GET1: variants seen among roughly 807,000 people sequenced by gnomAD.
GET1 encodes the protein congenital heart disease 5 protein.
A neutral mutation model predicts 22.6 loss-of-function variants in GET1; 20 were observed. The ratio of observed to expected loss-of-function variants is 0.89; its 90% CI spans 0.62 to 1.29. The LOEUF (loss-of-function observed/expected upper bound fraction) is 1.29, where lower values mean the gene tolerates loss of function less well. Among genes scored for constraint, GET1 ranks in the 50% most tolerant of loss-of-function variants. The probability of loss-of-function intolerance (pLI) is 0.00; values close to 1 mark genes in which losing one functional copy is unlikely to be tolerated. For missense variants in GET1, 209 were observed against 219.9 expected (o/e 0.95, Z 0.31); for synonymous variants, 92 against 83.8 (o/e 1.10, Z -0.53).
chr21:39,412,240 T>C (rs1419110371), intron 1 of GET1, among the ~76,000 whole-genome samples: 2 of 152,202 alleles, frequency 1.3e-5, no homozygotes, highest in East Asian at 3.8e-4. Flanking sequence ...ACTACAGTAT[T>C]GGATGGCACA....
chr21:39,411,884 G>A, intron 1 of GET1: 3 of 730,596 alleles, frequency 4.1e-6, no homozygotes, highest in South Asian at 3.6e-5. Context: ...ATTTAAATGA[G>A]CTCAGTATCC....
downstream of GET1, among the ~76,000 whole-genome samples, chr21:39,399,325 G>T (rs2038781115): frequency 6.6e-6 from 1 of 152,134 alleles, no homozygotes. Flanking sequence ...CAGAAAAGCA[G>T]CAAGGAAGAA....
chr21:39,393,098 G>T, intron 3 of GET1, 68 bp from the exon 4 acceptor site: 1 of 1,353,968 alleles, frequency 7.4e-7, no homozygotes, highest in Non-Finnish European at 1.1e-6. Context: ...GCATTTCCCT[G>T]TCCTCCCTTC....
At chr21:39,406,763 C>G (rs2039128972), downstream of GET1, 1 of 600,480 alleles carries the variant, frequency 1.7e-6, no homozygotes, top group Non-Finnish European at 2.8e-6. Flanking sequence ...CAAAAGATTA[C>G]AGAGAAAGGT....
Position 39,418,249 on chromosome 21 carries a change from C to G in GET1, c.*23+7312C>G, listed in dbSNP as rs989987941. On this transcript the variant is annotated intron_variant, in intron 1 of 1. Transcript: ENST00000478273. ...GGGTGGGGACACAGCCAAACCATAT[C>G]AAGGATATTACAGTTTCGTTTGCCT... is the stretch of plus-strand genomic sequence containing the variant. Among the ~76,000 whole-genome samples, 5 of 152,150 alleles carry G rather than the reference C, an allele frequency of 3.3e-5. No homozygotes were observed. The South Asian group carries it at 1.0e-3, about 31-fold the overall frequency.
At chr21:39,380,862 G>A in intron 1 of GET1, 1 of 988,688 alleles carries the variant, frequency 1.0e-6, no homozygotes, top group Non-Finnish European at 1.2e-6. Flanking sequence ...GGCGGGCGAA[G>A]TCAGCTGTTC....
intron 1 of GET1, chr21:39,423,420 CAT>C: frequency 6.2e-7 from 1 of 1,601,134 alleles, no homozygotes; most frequent in Non-Finnish European, 8.5e-7. Flanking sequence ...TTTGGGCAAT[CAT>C]ATGGATTTGA....
intron 1 of GET1, chr21:39,387,773 A>G: frequency 4.1e-6 from 4 of 985,022 alleles, no homozygotes; most frequent in Non-Finnish European, 4.8e-6. Flanking sequence ...GCATGCGCAG[A>G]CACCCTCAGG....
chr21:39,397,216 C>G lies in GET1; in HGVS notation c.*277C>G, dbSNP rs1377553258. The G allele has an allele frequency of 2.8e-6, 1 of 359,062 alleles. No homozygotes were observed. The highest frequency in any genetic ancestry group is 5.0e-6 in the Non-Finnish European group (1 of 198,968). 22.2% of individuals were successfully genotyped at this position (359,062 alleles called of 1,614,324 possible). A position where few individuals can be genotyped will look rare whatever the true frequency, so the allele number is the denominator to read the frequency against. ...AAATGTGAAATGTTTAGGGACATCT[C>G]CATGCTGTCACTTGTGATTTGCCCT... On this transcript the variant is annotated 3_prime_UTR_variant, in exon 5 of 5. Transcript: ENST00000649170.
intron 1 of GET1, among the ~76,000 whole-genome samples, chr21:39,388,109 T>A (rs535162935): frequency 1.9e-4 from 29 of 152,164 alleles, no homozygotes; most frequent in Non-Finnish European, 4.0e-4. Flanking sequence ...GCACAGTGGC[T>A]CACGCCTTTA....
chr21:39,393,644 A>G (rs940504147), intron 4 of GET1, among the ~76,000 whole-genome samples: 3 of 151,888 alleles, frequency 2.0e-5, no homozygotes, highest in Admixed American at 6.6e-5. Flanking sequence ...GCTCCTGGCT[A>G]TTCTTTTATT....
intron 1 of GET1, among the ~76,000 whole-genome samples, chr21:39,412,619 C>T (rs914325140): frequency 2.1e-4 from 32 of 151,766 alleles, no homozygotes; most frequent in African/African-American, 7.0e-4. Flanking sequence ...CACACACACA[C>T]GGGGGGTGGG....
intron 1 of GET1, among the ~76,000 whole-genome samples, chr21:39,425,322 A>C (rs2074481608): frequency 6.6e-6 from 1 of 152,164 alleles, no homozygotes; most frequent in African/African-American, 2.4e-5. Flanking sequence ...GAAACAATGA[A>C]CCAAGAGAGC....
At chr21:39,411,797 CT>C in intron 1 of GET1, 4 of 1,573,068 alleles carry the variant, frequency 2.5e-6, no homozygotes, top group East Asian at 2.2e-5. Context: ...GCTCACGATC[CT>C]TTTCCTAAAA....
intron 1 of GET1, among the ~76,000 whole-genome samples, chr21:39,421,110 T>G (rs1307487816): frequency 6.6e-6 from 1 of 151,724 alleles, no homozygotes; most frequent in African/African-American, 2.4e-5. Flanking sequence ...CGTTTTTTTT[T>G]TTTTTTTTCT....
At chr21:39,384,271 T>A (rs1398638083) in intron 1 of GET1, among the ~76,000 whole-genome samples, 5 of 151,810 alleles carry the variant, frequency 3.3e-5, no homozygotes, top group Admixed American at 6.6e-5. Flanking sequence ...TATTATTATT[T>A]TTTGAGACAG....
At chr21:39,390,042 G>GTTTTT (rs553712185) in intron 1 of GET1, among the ~76,000 whole-genome samples, 3 of 130,898 alleles carry the variant, frequency 2.3e-5, no homozygotes, top group African/African-American at 2.9e-5. Context: ...TTGAATATGA[G>GTTTTT]TTTTTTTTTT....
At chr21:39,422,051 T>C (rs902215904) in intron 1 of GET1, 6 of 152,130 alleles carry the variant, frequency 3.9e-5, no homozygotes, top group African/African-American at 1.2e-4. Context: ...AGAGTGAAAA[T>C]TGAGGTTGCT....
At chr21:39,402,102 A>C (rs554063566), downstream of GET1, among the ~76,000 whole-genome samples, 24 of 152,070 alleles carry the variant, frequency 1.6e-4, no homozygotes, top group African/African-American at 5.8e-4. Flanking sequence ...ATTTTATTTA[A>C]TTAATTAATT....
Sources: allele counts gnomAD v4.1 joint callset (sites outside exome capture counted in the v4.1 genomes callset), GRCh38; gene constraint gnomAD v4.1.1; transcripts MANE v1.5; gene names NCBI Gene and HGNC (gene_info 2026-07-23, HGNC 2026-07-21).